Variants in COG5 observed in about 807,000 individuals in gnomAD.
The protein encoded by COG5 is conserved oligomeric Golgi complex subunit 5.
Under a neutral mutation model 110.4 loss-of-function variants are expected in COG5, and 86 were observed. The observed-to-expected ratio is 0.78, with a 90% CI of 0.65 to 0.93. The LOEUF (loss-of-function observed/expected upper bound fraction) is 0.93, where lower values mean the gene tolerates loss of function less well. Among genes scored for constraint, COG5 ranks in the 40% least tolerant of loss-of-function variants. COG5 has a pLI of 0.00. For missense variants in COG5, 1,077 were observed against 987.0 expected (o/e 1.09, Z -1.22); for synonymous variants, 360 against 334.6 (o/e 1.08, Z -0.83).
At chr7:107,203,730 G>A in intron 21 of COG5, 100 bp from the exon 22 acceptor site, 3 of 788,634 alleles carry the variant, frequency 3.8e-6, no homozygotes, top group African/African-American at 1.7e-5. Flanking sequence ...GCTCATTTCT[G>A]GAACTGTTAA....
chr7:107,245,200 A>G (rs1166143439), intron 17 of COG5, among the ~76,000 whole-genome samples: 1 of 152,206 alleles, frequency 6.6e-6, no homozygotes, highest in Non-Finnish European at 1.5e-5. Flanking sequence ...ATTAGGTATC[A>G]AAGGAACATA....
intron 6 of COG5, among the ~76,000 whole-genome samples, chr7:107,502,136 C>T (rs1402703586): frequency 6.6e-6 from 1 of 151,826 alleles, no homozygotes; most frequent in African/African-American, 2.4e-5. Context: ...TACTTTGTAC[C>T]TAATATGCAG....
intron 14 of COG5, among the ~76,000 whole-genome samples, chr7:107,268,757 T>G (rs1804007283): frequency 6.6e-6 from 1 of 152,256 alleles, no homozygotes; most frequent in Non-Finnish European, 1.5e-5. Flanking sequence ...ATAATGTTTT[T>G]TGACTTAAGG....
intron 10 of COG5, among the ~76,000 whole-genome samples, chr7:107,342,043 T>G (rs796725036): frequency 2.0e-5 from 3 of 152,168 alleles, no homozygotes; most frequent in African/African-American, 7.2e-5. Context: ...TAATTAGGCT[T>G]AAGAGCTGCT....
chr7:107,278,946 T>C (rs1435487053), intron 14 of COG5, among the ~76,000 whole-genome samples: 1 of 152,164 alleles, frequency 6.6e-6, no homozygotes, highest in Non-Finnish European at 1.5e-5. Context: ...TGGGATCTAA[T>C]TAAACTAAAG....
intron 6 of COG5, among the ~76,000 whole-genome samples, chr7:107,518,521 T>A (rs968559897): frequency 6.6e-6 from 1 of 152,084 alleles, no homozygotes; most frequent in Non-Finnish European, 1.5e-5. Flanking sequence ...TAGTCTCTAA[T>A]AAAAGAGACT....
intron 6 of COG5, among the ~76,000 whole-genome samples, chr7:107,454,918 T>C (rs1488530183): frequency 1.3e-5 from 2 of 152,196 alleles, no homozygotes; most frequent in African/African-American, 4.8e-5. Context: ...TTGCTTGAGA[T>C]GTTCTAATAT....
chr7:107,344,792 G>A (rs188896511), intron 10 of COG5, among the ~76,000 whole-genome samples: 2 of 152,234 alleles, frequency 1.3e-5, no homozygotes, highest in Middle Eastern at 3.4e-3. Context: ...CCAAAGTGCC[G>A]GGATTACAGG....
At chr7:107,293,344 C>T (rs1806330983) in intron 12 of COG5, among the ~76,000 whole-genome samples, 1 of 152,112 alleles carries the variant, frequency 6.6e-6, no homozygotes, top group African/African-American at 2.4e-5. Context: ...AGGCCCTGCT[C>T]TTCCCAGGAA....
At chr7:107,439,885 A>C (rs1321493845) in intron 6 of COG5, among the ~76,000 whole-genome samples, 6 of 152,298 alleles carry the variant, frequency 3.9e-5, no homozygotes, top group African/African-American at 1.4e-4. Context: ...TGGTAAGGTG[A>C]ACTTGCAAAG....
intron 14 of COG5, among the ~76,000 whole-genome samples, chr7:107,273,282 T>C (rs1804428034): frequency 1.3e-5 from 2 of 152,200 alleles, no homozygotes; most frequent in Non-Finnish European, 2.9e-5. Context: ...TCGATCTTAT[T>C]ATGAGTACAG....
At chr7:107,485,934 G>C (rs1797631865) in intron 6 of COG5, among the ~76,000 whole-genome samples, 1 of 152,120 alleles carries the variant, frequency 6.6e-6, no homozygotes, top group Admixed American at 6.5e-5. Context: ...CCGAATGAGG[G>C]ATGAGACTGG....
chr7:107,298,371 A>G (rs1303232748), intron 11 of COG5, 25 bp from the exon 12 acceptor site: 3 of 1,572,500 alleles, frequency 1.9e-6, no homozygotes, highest in Non-Finnish European at 2.6e-6. Context: ...AAGAACATGA[A>G]TTAGAAAAAT....
At chr7:107,533,813 G>C (rs1004663496) in intron 5 of COG5, among the ~76,000 whole-genome samples, 2 of 151,382 alleles carry the variant, frequency 1.3e-5, no homozygotes, top group Non-Finnish European at 2.9e-5. Flanking sequence ...GAAATACAGA[G>C]AAGACCACTA....
intron 6 of COG5, among the ~76,000 whole-genome samples, chr7:107,441,806 C>G (rs1196767106): frequency 6.6e-6 from 1 of 152,214 alleles, no homozygotes; most frequent in Non-Finnish European, 1.5e-5. Context: ...CTCCACTGCT[C>G]AAAGTTATTC....
At chr7:107,521,446 A>C (rs1800313744) in intron 6 of COG5, among the ~76,000 whole-genome samples, 1 of 152,224 alleles carries the variant, frequency 6.6e-6, no homozygotes, top group Non-Finnish European at 1.5e-5. Flanking sequence ...ACAAATTTAC[A>C]AGGAAACAAA....
At chr7:107,251,709 TA>T (rs1802518701) in intron 16 of COG5, among the ~76,000 whole-genome samples, 3 of 152,166 alleles carry the variant, frequency 2.0e-5, no homozygotes, top group Admixed American at 2.0e-4. Flanking sequence ...TTGCAGTGCT[TA>T]GTGGAAAATT....
At chr7:107,539,041 G>A (rs530191991) in intron 5 of COG5, among the ~76,000 whole-genome samples, 17 of 152,162 alleles carry the variant, frequency 1.1e-4, no homozygotes, top group Non-Finnish European at 2.5e-4. Flanking sequence ...ACTTTGGGAG[G>A]CTGAGGAAGA....
At chr7:107,283,512 A>T in intron 13 of COG5, 59 bp downstream of exon 13, 3 of 1,409,782 alleles carry the variant, frequency 2.1e-6, no homozygotes, top group Non-Finnish European at 3.0e-6. Flanking sequence ...CTGCTATCAT[A>T]TATCACTAAC....
Sources: gnomAD v4.1 joint callset for allele counts (sites outside exome capture counted in the v4.1 genomes callset) on GRCh38, gnomAD v4.1.1 for gene constraint, MANE v1.5 for transcripts, NCBI Gene and HGNC (gene_info 2026-07-23, HGNC 2026-07-21) for gene names.